The following AATK variants were observed in gnomAD, a reference collection of about 807,000 sequenced individuals.
AATK encodes serine/threonine-protein kinase LMTK1.
In AATK, 91 loss-of-function variants were observed where a neutral mutation model predicts 114.3. That is an observed-to-expected ratio of 0.80 (90% CI 0.67 to 0.95). The LOEUF (loss-of-function observed/expected upper bound fraction) is 0.95. Ranked by LOEUF, AATK falls within the 40% of genes least tolerant of loss-of-function variation. AATK has a pLI of 0.00. For missense variants in AATK, 2,176 were observed against 1,965.2 expected (o/e 1.11, Z -2.03); for synonymous variants, 1,075 against 916.5 (o/e 1.17, Z -3.12).
At chr17:81,127,735 G>T in intron 5 of AATK, 57 bp downstream of exon 5, 1 of 1,523,886 alleles carries the variant, frequency 6.6e-7, no homozygotes, top group Non-Finnish European at 8.9e-7. Context: ...GGGCCGAGCA[G>T]GGGAGGGAGA....
intron 7 of AATK, chr17:81,125,253 C>T (rs775021152): frequency 2.2e-5 from 16 of 728,778 alleles, no homozygotes; most frequent in African/African-American, 1.4e-4. Flanking sequence ...GGACTGTGTG[C>T]GTGGGCCTCA....
At position 81,126,896 on chromosome 17, in the gene AATK, C is replaced by A; in HGVS notation, c.622-336G>T. 1 of 1,127,996 alleles carries A rather than the reference C, an allele frequency of 8.9e-7. No individual in the cohort carries two copies. The highest frequency in any genetic ancestry group is 3.1e-5 in the South Asian group (1 of 31,904). The allele number at this position is 1,127,996 out of a possible 1,614,324, so 69.9% of individuals were successfully genotyped here. ...GGGCTGGTGGTCGAGGGTTGGCCGG[C>A]AGCCCCTGACCTGCCGAAAGCCCAG... is the stretch of plus-strand genomic sequence containing the variant. On this transcript the variant is annotated intron_variant, in intron 6 of 13. Coordinates refer to ENST00000326724, the MANE Select transcript of AATK (RefSeq NM_001080395.3). The surrounding 1 kb of genome is among the most constrained non-coding windows in gnomAD (Gnocchi z 5.1).
At chr17:81,129,858 C>T (rs1312343241) in intron 3 of AATK, among the ~76,000 whole-genome samples, 1 of 152,210 alleles carries the variant, frequency 6.6e-6, no homozygotes, top group Non-Finnish European at 1.5e-5. Flanking sequence ...GGCTGCAGTC[C>T]TCCGCGCCCG....
rs769928945 is a variant in AATK at position 81,124,854 on chromosome 17, G to A, written c.841-6C>T. ...GCAGTCACGAAGTAGTCCTCCTGTT[G>A]GCACAGGGACGGGTCACCCCTGCCG... On this transcript the variant is annotated splice_polypyrimidine_tract_variant and splice_region_variant and intron_variant, in intron 8 of 13. Coordinates refer to ENST00000326724, the MANE Select transcript of AATK (RefSeq NM_001080395.3). The A allele has an allele frequency of 1.2e-6, 2 of 1,605,364 alleles. No individual in the cohort carries two copies. The highest frequency in any genetic ancestry group is 1.7e-6 in the Non-Finnish European group (2 of 1,176,184).
In AATK at chr17:81,127,812, C is replaced by T. The variant is rs1568228115; in HGVS notation, c.513G>A (p.Leu171=). 1 of 1,525,762 alleles carries T rather than the reference C, an allele frequency of 6.6e-7. No individual in the cohort carries two copies. Among genetic ancestry groups the T allele is most frequent in the Non-Finnish European group, 8.9e-7 (1 of 1,125,748 alleles). The allele number at this position is 1,525,762 out of a possible 1,614,324, so 94.5% of individuals were successfully genotyped here. The change falls in exon 5 of 14, where the codon CTG becomes CTA. Residue 171 remains leucine, a synonymous_variant. Coordinates refer to ENST00000326724, the MANE Select transcript of AATK (RefSeq NM_001080395.3). ...CCCACCTGTAGGGCTGCACCTCCTCCAGGAACTGCATCTGCTCCTGCACGC... is the reference window on the plus strand; with the variant it reads ...CCCACCTGTAGGGCTGCACCTCCTCTAGGAACTGCATCTGCTCCTGCACGC... ...SASVQEQMQF[L]EEVQPYRALK...
chr17:81,162,414 A>C (rs2061437894), intron 1 of AATK, among the ~76,000 whole-genome samples: 2 of 152,116 alleles, frequency 1.3e-5, no homozygotes, highest in South Asian at 2.1e-4. Flanking sequence ...CCTGAGCCTG[A>C]GTGGTCTGGG....
chr17:81,155,426 C>T (rs1306132889), intron 1 of AATK, among the ~76,000 whole-genome samples: 5 of 151,932 alleles, frequency 3.3e-5, no homozygotes, highest in Non-Finnish European at 7.4e-5. Context: ...CTCACTCTGT[C>T]GCCCAAGTTG....
At chr17:81,137,903 TACAC>T (rs949602790) in intron 1 of AATK, among the ~76,000 whole-genome samples, 68 of 142,532 alleles carry the variant, frequency 4.8e-4, no homozygotes, top group African/African-American at 1.7e-3. Flanking sequence ...CACGTGCACA[TACAC>T]ACGGGCACAC....
chr17:81,160,076 C>CG (rs1444067561), intron 1 of AATK, among the ~76,000 whole-genome samples: 1 of 152,144 alleles, frequency 6.6e-6, no homozygotes, highest in African/African-American at 2.4e-5. Context: ...CAGGTGGCCC[C>CG]GGCTGCCCAG....
chr17:81,118,470 C>G, intron 13 of AATK, 28 bp from the exon 14 acceptor site: 2 of 1,602,170 alleles, frequency 1.2e-6, no homozygotes, highest in Non-Finnish European at 1.7e-6. Context: ...AAAGTGAACA[C>G]AGGGTTCTGA....
chr17:81,153,513 C>T (rs144127164), intron 1 of AATK, among the ~76,000 whole-genome samples: 429 of 152,264 alleles, frequency 2.8e-3, no homozygotes, highest in Non-Finnish European at 4.3e-3. Flanking sequence ...CACCCCGGAG[C>T]GTTCAGGGAA....
chr17:81,128,623 G>C, intron 3 of AATK, 74 bp from the exon 4 acceptor site: 1 of 1,540,058 alleles, frequency 6.5e-7, no homozygotes, highest in South Asian at 1.2e-5. Flanking sequence ...GGCCCCTGGA[G>C]GGGCTGCCCG....
At chr17:81,152,192 C>T (rs972062515) in intron 1 of AATK, among the ~76,000 whole-genome samples, 5 of 152,148 alleles carry the variant, frequency 3.3e-5, no homozygotes, top group African/African-American at 1.2e-4. Flanking sequence ...GCAGAAGAAT[C>T]GTTTGAACCC....
intron 1 of AATK, among the ~76,000 whole-genome samples, chr17:81,154,127 G>C (rs77789821): frequency 0.16 from 24,260 of 151,788 alleles, 2,865 homozygotes; most frequent in African/African-American, 0.33. Context: ...AGATGAATGT[G>C]AGCGTCTTCT....
intron 1 of AATK, among the ~76,000 whole-genome samples, chr17:81,138,005 C>G (rs925307858): frequency 6.6e-6 from 1 of 151,232 alleles, no homozygotes; most frequent in Non-Finnish European, 1.5e-5. Context: ...CCCCCACACA[C>G]GTACACGCAC....
intron 1 of AATK, among the ~76,000 whole-genome samples, chr17:81,158,965 C>G (rs1321933410): frequency 6.6e-6 from 1 of 152,206 alleles, no homozygotes; most frequent in African/African-American, 2.4e-5. Flanking sequence ...AACCTCAGGG[C>G]CCAAAGAGGA....
chr17:81,124,324 G>T (rs1321291337), intron 9 of AATK, among the ~76,000 whole-genome samples: 2 of 152,192 alleles, frequency 1.3e-5, no homozygotes, highest in Non-Finnish European at 2.9e-5. Flanking sequence ...CTTCCAGGCT[G>T]CGGCCGTGGG....
intron 3 of AATK, 93 bp downstream of exon 3, chr17:81,130,968 A>C: frequency 6.9e-7 from 1 of 1,447,770 alleles, no homozygotes; most frequent in Non-Finnish European, 9.2e-7. Flanking sequence ...CCCCCACTCC[A>C]GAGCTGAGTC....
intron 1 of AATK, among the ~76,000 whole-genome samples, chr17:81,142,457 G>C (rs1218321064): frequency 6.6e-6 from 1 of 151,434 alleles, no homozygotes; most frequent in Non-Finnish European, 1.5e-5. Context: ...TTTTTTTGTA[G>C]AGACAGGTCT....
Sources: allele counts gnomAD v4.1 joint callset (sites outside exome capture counted in the v4.1 genomes callset), GRCh38; gene constraint gnomAD v4.1.1; non-coding constraint Gnocchi (gnomAD v3.1); transcripts MANE v1.5; gene names NCBI Gene and HGNC (gene_info 2026-07-23, HGNC 2026-07-21).